Variants in PDIA4 observed in about 807,000 individuals in gnomAD.
PDIA4 encodes the protein protein disulfide-isomerase A4.
A neutral mutation model predicts 62.1 loss-of-function variants in PDIA4; 33 were observed. The observed-to-expected ratio is 0.53, with a 90% confidence interval of 0.40 to 0.71. The LOEUF (loss-of-function observed/expected upper bound fraction) is 0.71. Ranked by LOEUF, PDIA4 falls within the 30% of genes least tolerant of loss-of-function variation. The pLI is 0.00. For synonymous variants in PDIA4, 341 were observed against 324.1 expected (o/e 1.05, Z -0.56); for missense variants, 804 against 813.6 (o/e 0.99, Z 0.14).
At chr7:149,011,265 C>G (rs763373096) in intron 6 of PDIA4, among the ~76,000 whole-genome samples, 1 of 152,156 alleles carries the variant, frequency 6.6e-6, no homozygotes, top group Non-Finnish European at 1.5e-5. Flanking sequence ...CCAAGGCAGA[C>G]GATGGATTTC....
At chr7:149,026,649 A>C (rs1824569229) in intron 1 of PDIA4, among the ~76,000 whole-genome samples, 1 of 151,822 alleles carries the variant, frequency 6.6e-6, no homozygotes, top group African/African-American at 2.4e-5. Context: ...AGAAAAAAAA[A>C]ACAGCCAGGC....
chr7:149,008,620 T>A (rs1333505960), intron 6 of PDIA4, among the ~76,000 whole-genome samples: 1 of 151,868 alleles, frequency 6.6e-6, no homozygotes, highest in Non-Finnish European at 1.5e-5. Context: ...CAAGAATTGC[T>A]TGAACTGGGG....
chr7:149,028,501 G>T lies in PDIA4; in HGVS notation c.-93C>A, dbSNP rs1446845210. On this transcript the variant is annotated 5_prime_UTR_variant, in exon 1 of 10. Coordinates refer to ENST00000652332, the MANE Select transcript of PDIA4 (RefSeq NM_004911.5). ...GGCCGACAGCCCGTCGCTCCTTAGC[G>T]ACGCGGGGGAGCCGGAAAAACCCAC... The T allele has an allele frequency of 5.7e-6, 5 of 877,352 alleles. No individual in the cohort carries two copies. The highest frequency in any genetic ancestry group is 3.3e-5 in the East Asian group (1 of 30,146). 54.3% of individuals were successfully genotyped at this position (877,352 alleles called of 1,614,324 possible). A position where few individuals can be genotyped will look rare whatever the true frequency, so the allele number is the denominator to read the frequency against.
At position 149,004,122 on chromosome 7, in the gene PDIA4, G is replaced by C. The variant is rs141344455; in HGVS notation, c.1610C>G (p.Ser537Cys). The C allele has an allele frequency of 1.9e-6, 3 of 1,613,952 alleles. No individual in the cohort carries two copies. In the African/African-American group the frequency reaches 4.0e-5, roughly 22 times the overall value. ...GTCCTTCTTGGGGTCCATCACAATG[G>C]AGTCAAAGGTCTTTCCCACCACGAC... ...VKVVVGKTFD[S>C]IVMDPKKDVL... Residue 537 changes from serine (S) to cysteine (C), a missense_variant, in exon 10 of 10, where the codon TCC becomes TGC. Ser to Cys is a moderately radical substitution (Grantham distance 112). Transcript: ENST00000652332.
In PDIA4 at chr7:149,019,112, T is replaced by G; in HGVS notation, c.355A>C (p.Lys119Gln). The G allele has an allele frequency of 6.2e-7, 1 of 1,613,806 alleles. No homozygotes were observed. The highest frequency in any genetic ancestry group is 8.5e-7 in the Non-Finnish European group (1 of 1,179,840). The stretch of plus-strand genomic sequence containing the variant: ...ACAGACGCTGAGGTTGCATCGATCT[T>G]GGCAACAGGAATGGGAGGATCTTTA... ...KDKDPPIPVA[K>Q]IDATSASVLA... The change falls in exon 3 of 10, where the codon AAG becomes CAG. Residue 119 changes from lysine (K) to glutamine (Q), a missense_variant. Coordinates refer to ENST00000652332, the MANE Select transcript of PDIA4 (RefSeq NM_004911.5).
chr7:149,003,708 G>A lies in PDIA4; in HGVS notation c.*86C>T, dbSNP rs551159589. ...AAAAAAAGGAATCCGAGATACTGTC[G>A]TTTGTTGCCGGCCTCGGCGTGGACG... On this transcript the variant is annotated 3_prime_UTR_variant, in exon 10 of 10. Coordinates refer to ENST00000652332, the MANE Select transcript of PDIA4 (RefSeq NM_004911.5). 4.9e-4 allele frequency: 486 copies of A among 988,504 alleles called. No individual in the cohort carries two copies. The highest frequency in any genetic ancestry group is 6.6e-4 in the Non-Finnish European group (466 of 701,472). The allele number at this position is 988,504 out of a possible 1,614,324, so 61.2% of individuals were successfully genotyped here.
At chr7:149,027,692 C>G (rs1238352598) in intron 1 of PDIA4, among the ~76,000 whole-genome samples, 1 of 149,336 alleles carries the variant, frequency 6.7e-6, no homozygotes. Flanking sequence ...GGGCAGGGAC[C>G]ACACTCACAA....
chr7:149,018,621 G>T (rs1824228437), intron 3 of PDIA4, among the ~76,000 whole-genome samples: 1 of 152,084 alleles, frequency 6.6e-6, no homozygotes, highest in Non-Finnish European at 1.5e-5. Flanking sequence ...TAGTAGAGAT[G>T]GGGTTTCACC....
Position 149,005,305 on chromosome 7 carries a change from G to T in PDIA4, c.1358C>A (p.Ala453Glu). 1 of 1,614,028 alleles carries T rather than the reference G, an allele frequency of 6.2e-7. No individual in the cohort carries two copies. The highest frequency in any genetic ancestry group is 8.5e-7 in the Non-Finnish European group (1 of 1,179,982). Residue 453 changes from alanine to glutamate, a missense_variant, in exon 9 of 10, where the codon GCG (alanine) becomes GAG (glutamate). Physicochemically the swap from Ala to Glu is moderately radical, Grantham distance 107 (BLOSUM62 -1). Transcript: ENST00000652332. Reference sequence around the variant, plus strand: ...CTCCCCAGCATAGTCCTCTTCGTCCGCAATGGCAAAGGTGTACTCAGGGAA... The same window carrying T: ...CTCCCCAGCATAGTCCTCTTCGTCCTCAATGGCAAAGGTGTACTCAGGGAA... ...KDFPEYTFAI[A>E]DEEDYAGEVK... is the part of the protein sequence containing the mutation.
chr7:149,020,499 C>T (rs1824304980), intron 2 of PDIA4, among the ~76,000 whole-genome samples: 1 of 152,066 alleles, frequency 6.6e-6, no homozygotes, highest in African/African-American at 2.4e-5. Flanking sequence ...CCTGACTGGT[C>T]CCCCCGCAGG....
At chr7:149,020,533 C>T (rs75273908) in intron 2 of PDIA4, among the ~76,000 whole-genome samples, 2,785 of 152,242 alleles carry the variant, frequency 0.018, 40 homozygotes, top group East Asian at 0.073. Context: ...GTAAAAAATC[C>T]ACCACACAGG....
In PDIA4 at chr7:149,012,197, T is replaced by G. The variant is rs1308263272; in HGVS notation, c.778A>C (p.Lys260Gln). The G allele has an allele frequency of 6.2e-7, 1 of 1,613,992 alleles. No individual in the cohort carries two copies. The highest frequency in any genetic ancestry group is 1.3e-5 in the African/African-American group (1 of 74,878). The change falls in exon 5 of 10, where the codon AAA (lysine) becomes CAA (glutamine). Residue 260 changes from lysine (K) to glutamine (Q), a missense_variant. By Grantham distance (53) the Lys-to-Gln change is moderately conservative. Transcript: ENST00000652332. ...CCGTTGTAGTCATAAGGCCTTCCTT[T>G]GCGGAAAATTTTCAGGGTGGGATAG... ...SGYPTLKIFR[K>Q]GRPYDYNGPR...
rs56277925 is a variant in PDIA4, at chr7:149,021,275, G to C, written c.89-128C>G. 9.6e-3 allele frequency: 8,106 copies of C among 846,280 alleles called. 67 individuals are homozygous for C. Among genetic ancestry groups the C allele is most frequent in the Non-Finnish European group, 0.011 (6,119 of 558,576 alleles). 52.4% of individuals were successfully genotyped at this position (846,280 alleles called of 1,614,324 possible). A position where few individuals can be genotyped will look rare whatever the true frequency, so the allele number is the denominator to read the frequency against. On this transcript the variant is annotated intron_variant, in intron 1 of 9. Coordinates refer to ENST00000652332, the MANE Select transcript of PDIA4 (RefSeq NM_004911.5). ...GGAGGCTGAGGTGGGCGGATCACGAGGTCAGGAGTTCAAGACCAGCCTGGC... is the reference window on the plus strand; with the variant it reads ...GGAGGCTGAGGTGGGCGGATCACGACGTCAGGAGTTCAAGACCAGCCTGGC...
At chr7:149,024,770 C>G (rs368477737) in intron 1 of PDIA4, among the ~76,000 whole-genome samples, 1 of 141,722 alleles carries the variant, frequency 7.1e-6, no homozygotes, top group Admixed American at 7.4e-5. Flanking sequence ...GAGCTGAGAT[C>G]GCACCACTGC....
chr7:149,014,025 G>A (rs1002803658), intron 4 of PDIA4, among the ~76,000 whole-genome samples: 12 of 152,142 alleles, frequency 7.9e-5, no homozygotes, highest in Non-Finnish European at 1.2e-4. Flanking sequence ...TGTCCCAGAC[G>A]CTTCCTTCCT....
Position 149,019,000 on chromosome 7 carries a change from G to C in PDIA4, c.467C>G (p.Thr156Ser). 6.2e-7 allele frequency: 1 copy of C among 1,612,108 alleles called. No homozygotes were observed. The highest frequency in any genetic ancestry group is 8.5e-7 in the Non-Finnish European group (1 of 1,178,642). ...CTCAGGTACCAGCTCACCTTCCTGGGTTCTGGAGCCCTCGTAGTCTACAGC... is the reference window on the plus strand; with the variant it reads ...CTCAGGTACCAGCTCACCTTCCTGGCTTCTGGAGCCCTCGTAGTCTACAGC... ...GQAVDYEGSR[T>S]QEEIVAKVRE... Residue 156 changes from threonine (T) to serine (S), a missense_variant, in exon 3 of 10, where the codon ACC becomes AGC. Transcript: ENST00000652332.
rs926898180 is a variant in PDIA4, at chr7:149,020,879, C to T, written c.269+88G>A. The T allele has an allele frequency of 3.6e-5, 55 of 1,513,070 alleles. No homozygotes were observed. In the African/African-American group the frequency reaches 6.9e-4, roughly 19 times the overall value. The allele number at this position is 1,513,070 out of a possible 1,614,324, so 93.7% of individuals were successfully genotyped here. Reference sequence around the variant, plus strand: ...CCTGCACCCAGACACTCCTACCCCACCCCCCAAGGTCTGGATGACCGGGTG... The same window carrying T: ...CCTGCACCCAGACACTCCTACCCCATCCCCCAAGGTCTGGATGACCGGGTG... On this transcript the variant is annotated intron_variant, in intron 2 of 9. Transcript: ENST00000652332.
At chr7:149,024,387 T>C (rs2129505805) in intron 1 of PDIA4, among the ~76,000 whole-genome samples, 1 of 152,278 alleles carries the variant, frequency 6.6e-6, no homozygotes, top group East Asian at 1.9e-4. Flanking sequence ...CTCTGCAATT[T>C]GGGAAGGTGC....
chr7:149,011,873 G>C lies in PDIA4; in HGVS notation c.952C>G (p.Pro318Ala). The C allele has an allele frequency of 6.3e-7, 1 of 1,585,704 alleles. No homozygotes were observed. Residue 318 changes from proline (P) to alanine (A), a missense_variant, in exon 6 of 10, where the codon CCA becomes GCA. Transcript: ENST00000652332. ...GCATCCTGGTATTGCTGGTAGGCTG[G>C]GTCACTCTCCCCCTTAAAGACCCCG... ...IIGVFKGESD[P>A]AYQQYQDAAN...
Sources: gnomAD v4.1 joint callset for allele counts (sites outside exome capture counted in the v4.1 genomes callset) on GRCh38, gnomAD v4.1.1 for gene constraint, MANE v1.5 for transcripts, NCBI Gene and HGNC (gene_info 2026-07-23, HGNC 2026-07-21) for gene names.